The following CLDN11 variants were observed in gnomAD, a reference collection of about 807,000 sequenced individuals.
CLDN11 encodes the protein claudin 11.
A neutral mutation model predicts 18.0 loss-of-function variants in CLDN11; 1 was observed. That is an observed-to-expected ratio of 0.06 (90% confidence interval 0.02 to 0.26). CLDN11 has a LOEUF of 0.26. Among genes scored for constraint, CLDN11 ranks in the 10% least tolerant of loss-of-function variants. The pLI is 1.00. For missense variants in CLDN11, 172 were observed against 276.6 expected (o/e 0.62, Z 2.68); for synonymous variants, 116 against 121.5 (o/e 0.96, Z 0.30).
At chr3:170,426,773 A>G (rs1049834572) in intron 2 of CLDN11, among the ~76,000 whole-genome samples, 1 of 151,852 alleles carries the variant, frequency 6.6e-6, no homozygotes, top group Admixed American at 6.6e-5. Context: ...AATCATGTCA[A>G]TTTCCTTCTT....
chr3:170,423,985 C>T (rs866415511), intron 2 of CLDN11, among the ~76,000 whole-genome samples: 3 of 142,192 alleles, frequency 2.1e-5, no homozygotes, highest in South Asian at 2.2e-4. Flanking sequence ...GCTGAGATCA[C>T]GCTACTGCGT....
chr3:170,430,319 A>G (rs1738967204), intron 2 of CLDN11, among the ~76,000 whole-genome samples: 1 of 152,184 alleles, frequency 6.6e-6, no homozygotes, highest in Non-Finnish European at 1.5e-5. Context: ...CAGAGAAGAG[A>G]AAGAAAAAGA....
At chr3:170,421,571 T>C (rs1276345008) in intron 1 of CLDN11, among the ~76,000 whole-genome samples, 1 of 152,092 alleles carries the variant, frequency 6.6e-6, no homozygotes, top group African/African-American at 2.4e-5. Flanking sequence ...TTTTTGCACG[T>C]GAGGGTCGTG....
At chr3:170,421,379 G>A in intron 1 of CLDN11, 1 of 815,174 alleles carries the variant, frequency 1.2e-6, no homozygotes, top group African/African-American at 1.9e-5. Context: ...CGGACGGCTG[G>A]GTCAGGGGAT....
In CLDN11 at chr3:170,418,978, C is replaced by T; in HGVS notation, c.-89C>T. On this transcript the variant is annotated 5_prime_UTR_variant, in exon 1 of 3. Transcript: ENST00000064724. This position sits in a 1 kb window ranked among gnomAD's most constrained non-coding sequence, Gnocchi z 4.3. ...CCGTCGCCCTCCAGCGGCTCGCGAG[C>T]GTGGGAGACGTACCTGGGCAGGCAC... 2 of 981,238 alleles carry T rather than the reference C, an allele frequency of 2.0e-6. No individual in the cohort carries two copies. The highest frequency in any genetic ancestry group is 2.7e-5 in the East Asian group (1 of 37,552). The allele number at this position is 981,238 out of a possible 1,614,324, so 60.8% of individuals were successfully genotyped here. A position where few individuals can be genotyped will look rare whatever the true frequency, so the allele number is the denominator to read the frequency against.
intron 2 of CLDN11, among the ~76,000 whole-genome samples, chr3:170,425,847 C>T (rs1236226473): frequency 6.6e-6 from 1 of 152,198 alleles, no homozygotes; most frequent in Non-Finnish European, 1.5e-5. Flanking sequence ...GTTGTTTTGA[C>T]CGGAACGAGC....
intron 2 of CLDN11, among the ~76,000 whole-genome samples, chr3:170,427,806 C>CAAA (rs1175282704): frequency 5.3e-5 from 3 of 56,092 alleles, no homozygotes; most frequent in Admixed American, 3.7e-4. Context: ...GAGACTGTCT[C>CAAA]AAAAAAAAAA....
At position 170,434,222 on chromosome 3, in the gene CLDN11, G is replaced by A. The variant is rs1739078708; in HGVS notation, c.*1466G>A. ...ATTCAAGAACAAGTAATTCTGCATTGCCTTGAATAATTAAAAAGTTATATT... is the reference window on the plus strand; with the variant it reads ...ATTCAAGAACAAGTAATTCTGCATTACCTTGAATAATTAAAAAGTTATATT... On this transcript the variant is annotated 3_prime_UTR_variant, in exon 3 of 3. Coordinates refer to ENST00000064724, the MANE Select transcript of CLDN11 (RefSeq NM_005602.6). The A allele has an allele frequency of 1.3e-5, 2 of 152,606 alleles. No individual in the cohort carries two copies. Among genetic ancestry groups the A allele is most frequent in the Admixed American group, 6.5e-5 (1 of 15,274 alleles). 9.5% of individuals were successfully genotyped at this position (152,606 alleles called of 1,614,324 possible). A position where few individuals can be genotyped will look rare whatever the true frequency, so the allele number is the denominator to read the frequency against.
chr3:170,421,693 C>A (rs1182499938), intron 1 of CLDN11, among the ~76,000 whole-genome samples: 2 of 151,944 alleles, frequency 1.3e-5, no homozygotes, highest in Non-Finnish European at 2.9e-5. Context: ...TAAATGTGAC[C>A]CCCCCCACCT....
At chr3:170,424,348 AC>A (rs1738796920) in intron 2 of CLDN11, among the ~76,000 whole-genome samples, 2 of 152,168 alleles carry the variant, frequency 1.3e-5, no homozygotes, top group Non-Finnish European at 2.9e-5. Context: ...GAGTGGAAGA[AC>A]CCAGCAGTAA....
chr3:170,431,400 C>T lies in CLDN11; in HGVS notation c.392-1124C>T, dbSNP rs954605998. 3.3e-5 allele frequency among the ~76,000 whole-genome samples: 5 copies of T among 152,210 alleles called. No homozygotes were observed. The East Asian group carries it at 7.7e-4, about 23-fold the overall frequency. ...CTGTCTGCCAACTTTAATGTGCCAT[C>T]TCAACTTAAAGAGGTTTGGAGTTAC... On this transcript the variant is annotated intron_variant, in intron 2 of 2. Coordinates refer to ENST00000064724, the MANE Select transcript of CLDN11 (RefSeq NM_005602.6).
At chr3:170,420,403 G>C (rs1262127328) in intron 1 of CLDN11, among the ~76,000 whole-genome samples, 1 of 152,190 alleles carries the variant, frequency 6.6e-6, no homozygotes, top group South Asian at 2.1e-4. Context: ...CCGCCAGTCA[G>C]ATAAGACTGT....
intron 2 of CLDN11, 57 bp from the exon 3 acceptor site, chr3:170,432,467 C>T (rs1233092699): frequency 1.2e-6 from 2 of 1,604,716 alleles, no homozygotes; most frequent in Admixed American, 1.7e-5. Flanking sequence ...GTGGGCCTGC[C>T]CAAGTGCTTG....
rs1738662449 is a variant in CLDN11, at chr3:170,419,243, C to T, written c.177C>T (p.Ala59=). 4 of 1,576,292 alleles carry T rather than the reference C, an allele frequency of 2.5e-6. No homozygotes were observed. The highest frequency in any genetic ancestry group is 3.4e-6 in the Non-Finnish European group (4 of 1,161,342). ...SKGLWADCVM[A]TGLYHCKPLV... is the part of the protein sequence containing the mutation. ...GGCTGTGGGCCGACTGCGTCATGGC[C>T]ACGGGGCTGTACCACTGCAAGCCCC... Residue 59 remains alanine (A), a synonymous_variant, in exon 1 of 3, where the codon GCC becomes GCT. Transcript: ENST00000064724. The surrounding 1 kb of genome is among the most constrained non-coding windows in gnomAD (Gnocchi z 8.6).
chr3:170,423,072 A>C, intron 1 of CLDN11, 91 bp from the exon 2 acceptor site: 2 of 1,338,736 alleles, frequency 1.5e-6, no homozygotes, highest in Admixed American at 1.7e-5. Context: ...AGAAGGAGGA[A>C]GGGAGATGGT....
At position 170,423,003 on chromosome 3, in the gene CLDN11, T is replaced by G. The variant is rs890237499; in HGVS notation, c.227-160T>G. The G allele has an allele frequency of 6.7e-6, 5 of 751,584 alleles. No homozygotes were observed. The African/African-American group carries it at 8.7e-5, about 13-fold the overall frequency. 46.6% of individuals were successfully genotyped at this position (751,584 alleles called of 1,614,324 possible). A position where few individuals can be genotyped will look rare whatever the true frequency, so the allele number is the denominator to read the frequency against. ...TTTCTTGCTGAGTTGTTTTAAAAGT[T>G]AAAAAGTGCTTAGTGACCTTGGACA... On this transcript the variant is annotated intron_variant, in intron 1 of 2. Transcript: ENST00000064724.
At chr3:170,428,396 T>C (rs1260053405) in intron 2 of CLDN11, among the ~76,000 whole-genome samples, 1 of 152,246 alleles carries the variant, frequency 6.6e-6, no homozygotes, top group African/African-American at 2.4e-5. Context: ...TTCTCAAATA[T>C]TTTCTGTTTG....
chr3:170,420,849 G>A (rs919574996), intron 1 of CLDN11, among the ~76,000 whole-genome samples: 1 of 152,180 alleles, frequency 6.6e-6, no homozygotes, highest in Admixed American at 6.5e-5. Context: ...CAAATTGCTA[G>A]CCTCAGTGAA....
chr3:170,420,118 G>C (rs1577466942), intron 1 of CLDN11, among the ~76,000 whole-genome samples: 1 of 152,372 alleles, frequency 6.6e-6, no homozygotes. Context: ...TTGGGAAGGG[G>C]AGGTAAAAAT....
Sources: gnomAD v4.1 joint callset for allele counts (sites outside exome capture counted in the v4.1 genomes callset) on GRCh38, gnomAD v4.1.1 for gene constraint, Gnocchi (gnomAD v3.1) non-coding constraint, MANE v1.5 for transcripts, NCBI Gene and HGNC (gene_info 2026-07-23, HGNC 2026-07-21) for gene names.